The following WASHC4 variants were observed in gnomAD, a reference collection of about 807,000 sequenced individuals.
WASHC4 encodes the protein WASH complex subunit 4.
In WASHC4, 86 loss-of-function variants were observed where a neutral mutation model predicts 166.6. That is an observed-to-expected ratio of 0.52 (90% CI 0.43 to 0.62). The LOEUF is 0.62. WASHC4 is among the 20% of genes least tolerant of loss of function. The probability of loss-of-function intolerance (pLI) is 0.00; values close to 1 mark genes in which losing one functional copy is unlikely to be tolerated. For synonymous variants in WASHC4, 446 were observed against 451.6 expected (o/e 0.99, Z 0.16); for missense variants, 1,262 against 1,382.4 (o/e 0.91, Z 1.38).
Position 105,142,560 on chromosome 12 carries a change from TA to T in WASHC4, c.1893+4del. 1 of 1,448,426 alleles carries T rather than the reference TA, an allele frequency of 6.9e-7. No individual in the cohort carries two copies. The highest frequency in any genetic ancestry group is 9.7e-7 in the Non-Finnish European group (1 of 1,031,460). 89.7% of individuals were successfully genotyped at this position (1,448,426 alleles called of 1,614,324 possible). On this transcript the variant is annotated splice_donor_region_variant and intron_variant, in intron 19 of 32. Transcript: ENST00000332180. ...GCTGTTGATGCAGCCAGATTACATG[TA>T]AGTAAAGAACAATATAAAGAATAAT...
intron 25 of WASHC4, 22 bp downstream of exon 25, chr12:105,149,771 A>T: frequency 6.3e-7 from 1 of 1,584,216 alleles, no homozygotes; most frequent in Non-Finnish European, 8.6e-7. Flanking sequence ...ATTCTTTTTA[A>T]GGTATTTGAT....
intron 14 of WASHC4, among the ~76,000 whole-genome samples, chr12:105,134,364 G>T (rs118138907): frequency 0.014 from 2,067 of 152,184 alleles, 22 homozygotes; most frequent in Non-Finnish European, 0.02. Context: ...GTATTTGTCA[G>T]TTGTAGCATT....
At chr12:105,122,656 CTG>C (rs112137309) in intron 10 of WASHC4, among the ~76,000 whole-genome samples, 28 of 152,092 alleles carry the variant, frequency 1.8e-4, no homozygotes, top group African/African-American at 6.3e-4. Context: ...CACTTTGTCT[CTG>C]TGTCACATTT....
chr12:105,120,860 A>G (rs561283459), intron 8 of WASHC4, among the ~76,000 whole-genome samples: 20 of 152,358 alleles, frequency 1.3e-4, no homozygotes, highest in African/African-American at 4.6e-4. Context: ...AGTGAAATAA[A>G]TCTGCAGTAT....
rs1237782151 is a variant in WASHC4, at chr12:105,140,375, G to T, written c.1534G>T (p.Ala512Ser). Residue 512 changes from alanine (A) to serine (S), a missense_variant, in exon 16 of 33, where the codon GCT becomes TCT. Transcript: ENST00000332180. ...SHITQHLQHQ[A>S]LHSISVAKKR... ...TATAACACAGCACCTTCAACATCAGGCTCTTCATTCTATTTCTGTGGCCAA... is the reference window on the plus strand; with the variant it reads ...TATAACACAGCACCTTCAACATCAGTCTCTTCATTCTATTTCTGTGGCCAA... 3 of 1,613,104 alleles carry T rather than the reference G, an allele frequency of 1.9e-6. No individual in the cohort carries two copies. In the South Asian group the frequency reaches 3.3e-5, roughly 18 times the overall value.
chr12:105,149,944 T>C (rs1883602938), intron 25 of WASHC4, among the ~76,000 whole-genome samples, 195 bp downstream of exon 25: 1 of 152,192 alleles, frequency 6.6e-6, no homozygotes, highest in Non-Finnish European at 1.5e-5. Context: ...ATACTTTTTC[T>C]TTATTTTAAA....
At position 105,167,338 on chromosome 12, in the gene WASHC4, T is replaced by TA. The variant is rs1884865239; in HGVS notation, c.*408dup. ...GCATATACTATATACAGCCAGTAAATACATGCTTAACAAAAGGAATGAGCC... is the reference window on the plus strand; with the variant it reads ...GCATATACTATATACAGCCAGTAAATAACATGCTTAACAAAAGGAATGAGCC... On this transcript the variant is annotated 3_prime_UTR_variant, in exon 33 of 33. Transcript: ENST00000332180. 5.6e-6 allele frequency: 1 copy of TA among 179,254 alleles called. No homozygotes were observed. Among genetic ancestry groups the TA allele is most frequent in the South Asian group, 1.2e-4 (1 of 8,470 alleles). The allele number at this position is 179,254 out of a possible 1,614,324, so 11.1% of individuals were successfully genotyped here. A position where few individuals can be genotyped will look rare whatever the true frequency, so the allele number is the denominator to read the frequency against.
chr12:105,162,733 T>C lies in WASHC4; in HGVS notation c.3061-16T>C. 1 of 1,338,558 alleles carries C rather than the reference T, an allele frequency of 7.5e-7. No homozygotes were observed. Among genetic ancestry groups the C allele is most frequent in the Non-Finnish European group, 1.1e-6 (1 of 933,564 alleles). The allele number at this position is 1,338,558 out of a possible 1,614,324, so 82.9% of individuals were successfully genotyped here. ...TAGCAAAATTGTTTTTCTAACATGT[T>C]GTTACATCTTTTTAGACCCTCAACT... is the stretch of plus-strand genomic sequence containing the variant. On this transcript the variant is annotated splice_polypyrimidine_tract_variant and intron_variant, in intron 29 of 32. Transcript: ENST00000332180.
chr12:105,144,842 G>A lies in WASHC4; in HGVS notation c.2304G>A (p.Glu768=), dbSNP rs774356542. The change falls in exon 22 of 33, where the codon GAG becomes GAA. Residue 768 remains glutamate (E), a synonymous_variant. Transcript: ENST00000332180. The part of the protein sequence containing the change: ...ATQRYGLVMT[E]AHLPSQTLEQ... ...AGCGTTATGGACTGGTTATGACAGA[G>A]GCACATCTTCCCAGTCAGACTTTGG... is the stretch of plus-strand genomic sequence containing the variant. 3.7e-6 allele frequency: 6 copies of A among 1,612,960 alleles called. No individual in the cohort carries two copies. The African/African-American group carries it at 6.7e-5, about 18-fold the overall frequency.
chr12:105,163,708 C>T (rs1252241856), intron 30 of WASHC4, among the ~76,000 whole-genome samples: 1 of 152,016 alleles, frequency 6.6e-6, no homozygotes, highest in East Asian at 1.9e-4. Context: ...AGGAGTCTCA[C>T]TGTGTTGCCC....
Position 105,147,888 on chromosome 12 carries a change from A to G in WASHC4, c.2514+742A>G. 6.2e-6 allele frequency: 6 copies of G among 961,084 alleles called. No homozygotes were observed. The South Asian group carries it at 1.9e-4, about 31-fold the overall frequency. 59.5% of individuals were successfully genotyped at this position (961,084 alleles called of 1,614,324 possible). A position where few individuals can be genotyped will look rare whatever the true frequency, so the allele number is the denominator to read the frequency against. ...CCATTGCACTCCAGCTTGGGCAGCA[A>G]GAGCGAAACTCCATCTCAAAAAAAA... On this transcript the variant is annotated intron_variant, in intron 24 of 32. Transcript: ENST00000332180.
chr12:105,155,174 C>G (rs984230831), intron 26 of WASHC4: 2 of 152,148 alleles, frequency 1.3e-5, no homozygotes, highest in African/African-American at 2.4e-5. Flanking sequence ...ATCTTGAACT[C>G]TAGGTGGGGG....
intron 15 of WASHC4, among the ~76,000 whole-genome samples, 199 bp downstream of exon 15, chr12:105,138,210 A>G (rs1592883784): frequency 6.6e-6 from 1 of 152,036 alleles, no homozygotes; most frequent in Non-Finnish European, 1.5e-5. Context: ...CATTATATTT[A>G]AACTTTATTA....
At chr12:105,164,376 GA>G in intron 31 of WASHC4, 69 bp downstream of exon 31, 1 of 1,347,006 alleles carries the variant, frequency 7.4e-7, no homozygotes. Flanking sequence ...CTTAATGTCT[GA>G]AAAGCAGAAG....
chr12:105,146,480 A>G lies in WASHC4; in HGVS notation c.2363A>G (p.Asn788Ser), dbSNP rs964447907. ...CTTGATGTTTTAGAAATTATGAGAAACATTCATATATTTGTGTCCCGATAC... is the reference window on the plus strand; with the variant it reads ...CTTGATGTTTTAGAAATTATGAGAAGCATTCATATATTTGTGTCCCGATAC... ...QGLDVLEIMR[N>S]IHIFVSRYLY... is the part of the protein sequence containing the mutation. Residue 788 changes from asparagine (N) to serine (S), a missense_variant, in exon 23 of 33, where the codon AAC becomes AGC. Asn to Ser is a conservative substitution (Grantham distance 46). Coordinates refer to ENST00000332180, the MANE Select transcript of WASHC4 (RefSeq NM_015275.3). 3 of 1,595,640 alleles carry G rather than the reference A, an allele frequency of 1.9e-6. No individual in the cohort carries two copies. The highest frequency in any genetic ancestry group is 1.7e-5 in the Admixed American group (1 of 59,962).
At chr12:105,139,425 G>GTATATATA (rs71069791) in intron 15 of WASHC4, among the ~76,000 whole-genome samples, 4,654 of 102,744 alleles carry the variant, frequency 0.045, 211 homozygotes, top group South Asian at 0.06. Flanking sequence ...ATGTGTGTGT[G>GTATATATA]TATATATATA....
At chr12:105,141,389 T>C (rs1882837243) in intron 18 of WASHC4, 143 bp downstream of exon 18, 2 of 746,262 alleles carry the variant, frequency 2.7e-6, no homozygotes, top group East Asian at 2.5e-5. Flanking sequence ...ATGACCAAAA[T>C]GAGATTGTGA....
At position 105,145,368 on chromosome 12, in the gene WASHC4, G is replaced by A. The variant is rs552876483; in HGVS notation, c.2334+496G>A. 5.3e-5 allele frequency among the ~76,000 whole-genome samples: 8 copies of A among 152,004 alleles called. No individual in the cohort carries two copies. In the South Asian group the frequency reaches 1.7e-3, roughly 31 times the overall value. ...AATGTACAGTATGGCATTGTCTCAT[G>A]AATGTAATAATTTATGTTATCAGAT... On this transcript the variant is annotated intron_variant, in intron 22 of 32. Coordinates refer to ENST00000332180, the MANE Select transcript of WASHC4 (RefSeq NM_015275.3).
At chr12:105,150,515 T>C (rs2135816433) in intron 25 of WASHC4, among the ~76,000 whole-genome samples, 1 of 152,346 alleles carries the variant, frequency 6.6e-6, no homozygotes, top group African/African-American at 2.4e-5. Context: ...CAGGGTGCAG[T>C]GGCTCATGCC....
Sources: allele counts gnomAD v4.1 joint callset (sites outside exome capture counted in the v4.1 genomes callset), GRCh38; gene constraint gnomAD v4.1.1; transcripts MANE v1.5; gene names NCBI Gene and HGNC (gene_info 2026-07-23, HGNC 2026-07-21).